PLXNA4: variants seen among roughly 807,000 people sequenced by gnomAD.
PLXNA4 encodes the protein plexin-A4.
A neutral mutation model predicts 191.8 loss-of-function variants in PLXNA4; 44 were observed. That is an observed-to-expected ratio of 0.23 (90% CI 0.18 to 0.29). The LOEUF (loss-of-function observed/expected upper bound fraction) is 0.29. Ranked by LOEUF, PLXNA4 falls within the 10% of genes least tolerant of loss-of-function variation. PLXNA4 has a pLI of 1.00. For synonymous variants in PLXNA4, 1,082 were observed against 1,009.5 expected, an observed-to-expected ratio of 1.07 and a Z score of -1.36; for missense variants, 1,800 against 2,488.8, an observed-to-expected ratio of 0.72 and a Z score of 5.89.
intron 18 of PLXNA4, among the ~76,000 whole-genome samples, 180 bp downstream of exon 18, chr7:132,181,201 A>G (rs1004154255): frequency 5.3e-5 from 8 of 152,136 alleles, no homozygotes; most frequent in Non-Finnish European, 1.2e-4. Flanking sequence ...ACCGGCCCCT[A>G]AAGAGAGTTT....
intron 1 of PLXNA4, among the ~76,000 whole-genome samples, chr7:132,529,349 G>A (rs1799532988): frequency 6.6e-6 from 1 of 152,210 alleles, no homozygotes; most frequent in South Asian, 2.1e-4. Context: ...CTTTAGATGA[G>A]CTATATCTTT....
intron 1 of PLXNA4, among the ~76,000 whole-genome samples, chr7:132,557,962 C>T (rs1214092801): frequency 6.6e-6 from 1 of 151,918 alleles, no homozygotes. Flanking sequence ...AATCAAACAA[C>T]CTTATGTTGG....
intron 10 of PLXNA4, among the ~76,000 whole-genome samples, chr7:132,203,645 G>A (rs180924276): frequency 1.5e-4 from 23 of 152,328 alleles, no homozygotes; most frequent in Non-Finnish European, 2.8e-4. Context: ...CACAGGGGTG[G>A]GCCAGGCCTC....
At chr7:132,554,712 G>A (rs2116595404) in intron 1 of PLXNA4, among the ~76,000 whole-genome samples, 1 of 152,232 alleles carries the variant, frequency 6.6e-6, no homozygotes, top group East Asian at 1.9e-4. Context: ...CCAGTTTAAG[G>A]CTATCTTTCC....
chr7:132,191,683 C>T (rs914910991), intron 14 of PLXNA4, among the ~76,000 whole-genome samples: 13 of 152,018 alleles, frequency 8.6e-5, no homozygotes, highest in Admixed American at 6.6e-4. Flanking sequence ...AGTTTCCTCC[C>T]GTTTTACTTT....
At chr7:132,265,459 T>C (rs890741491) in intron 4 of PLXNA4, among the ~76,000 whole-genome samples, 1 of 152,154 alleles carries the variant, frequency 6.6e-6, no homozygotes, top group African/African-American at 2.4e-5. Flanking sequence ...ATATGGTCAA[T>C]TGGCATCATG....
chr7:132,631,580 G>C (rs1010412227), intron 2 of PLXNA4, among the ~76,000 whole-genome samples: 1 of 152,156 alleles, frequency 6.6e-6, no homozygotes, highest in Non-Finnish European at 1.5e-5. Context: ...CAGGCTGGAA[G>C]TTTTTCCAAA....
At chr7:132,261,497 T>C (rs988262813) in intron 4 of PLXNA4, among the ~76,000 whole-genome samples, 2 of 152,216 alleles carry the variant, frequency 1.3e-5, no homozygotes, top group African/African-American at 4.8e-5. Flanking sequence ...TATCAATTAG[T>C]GTCTGCTGCT....
intron 21 of PLXNA4, among the ~76,000 whole-genome samples, 200 bp from the exon 22 acceptor site, chr7:132,168,772 T>C (rs1796197405): frequency 6.6e-6 from 1 of 152,212 alleles, no homozygotes; most frequent in South Asian, 2.1e-4. Flanking sequence ...TAGAGATGAA[T>C]CAATTGAAGC....
chr7:132,188,988 GGAAA>G (rs1796978355), intron 14 of PLXNA4, among the ~76,000 whole-genome samples: 1 of 51,946 alleles, frequency 1.9e-5, no homozygotes, highest in South Asian at 1.7e-3. Flanking sequence ...GGAAAGGAAA[GGAAA>G]GGAGAGAGAG....
intron 3 of PLXNA4, among the ~76,000 whole-genome samples, chr7:132,381,358 A>G (rs999537594): frequency 2.6e-5 from 4 of 152,252 alleles, no homozygotes; most frequent in African/African-American, 9.6e-5. Flanking sequence ...CACTTGAGAC[A>G]GTGTCCTACA....
At chr7:132,298,916 C>G (rs1424595) in intron 3 of PLXNA4, among the ~76,000 whole-genome samples, 45,535 of 152,202 alleles carry the variant, frequency 0.3, 7,378 homozygotes, top group South Asian at 0.48. Flanking sequence ...CCCGGCCATC[C>G]ATAAGTCCTT....
chr7:132,599,329 T>C (rs1203220057), intron 2 of PLXNA4, among the ~76,000 whole-genome samples: 4 of 152,210 alleles, frequency 2.6e-5, no homozygotes, highest in East Asian at 1.9e-4. Flanking sequence ...TGGAGACTAA[T>C]TGATATCTTT....
At chr7:132,478,551 CTT>C (rs1040617683) in intron 3 of PLXNA4, among the ~76,000 whole-genome samples, 1 of 152,094 alleles carries the variant, frequency 6.6e-6, no homozygotes, top group African/African-American at 2.4e-5. Context: ...AATGTATTGA[CTT>C]ATAGATTTTT....
intron 3 of PLXNA4, among the ~76,000 whole-genome samples, chr7:132,387,688 T>C (rs1359660106): frequency 1.3e-5 from 2 of 152,166 alleles, no homozygotes; most frequent in Non-Finnish European, 2.9e-5. Flanking sequence ...TGCACCAGGA[T>C]GAAGCAGAGA....
chr7:132,194,813 A>G (rs1004038663), intron 13 of PLXNA4, among the ~76,000 whole-genome samples: 1 of 152,232 alleles, frequency 6.6e-6, no homozygotes, highest in Non-Finnish European at 1.5e-5. Flanking sequence ...ACAGTCAAAC[A>G]GTACAGAGTA....
chr7:132,148,970 A>C (rs1231266080), intron 25 of PLXNA4, among the ~76,000 whole-genome samples: 1 of 152,234 alleles, frequency 6.6e-6, no homozygotes, highest in African/African-American at 2.4e-5. Flanking sequence ...AGAGGCACAT[A>C]ATAAAACACT....
At chr7:132,498,174 T>C (rs1798104449) in intron 2 of PLXNA4, among the ~76,000 whole-genome samples, 1 of 152,232 alleles carries the variant, frequency 6.6e-6, no homozygotes, top group African/African-American at 2.4e-5. Flanking sequence ...ATTTTTATTA[T>C]AGTATACTGT....
At chr7:132,387,159 C>T (rs1805184240) in intron 3 of PLXNA4, among the ~76,000 whole-genome samples, 1 of 152,200 alleles carries the variant, frequency 6.6e-6, no homozygotes, top group South Asian at 2.1e-4. Flanking sequence ...AGATCCTTGC[C>T]ACTCAATGTG....
Sources: allele counts gnomAD v4.1 joint callset (sites outside exome capture counted in the v4.1 genomes callset), GRCh38; gene constraint gnomAD v4.1.1; transcripts MANE v1.5; gene names NCBI Gene and HGNC (gene_info 2026-07-23, HGNC 2026-07-21).